The following CDH19 variants were observed in gnomAD, a reference collection of about 807,000 sequenced individuals.
CDH19 encodes cadherin-19.
In CDH19, 67 loss-of-function variants were observed where a neutral mutation model predicts 64.2. The ratio of observed to expected loss-of-function variants is 1.04; its 90% CI spans 0.86 to 1.28. The LOEUF is 1.28. CDH19 is among the 50% of genes most tolerant of loss of function. CDH19 has a pLI of 0.00. For synonymous variants in CDH19, 346 were observed against 319.3 expected (o/e 1.08, Z -0.89); for missense variants, 1,030 against 929.0 (o/e 1.11, Z -1.41).
At chr18:66,558,463 G>GAATT (rs1227179313) in intron 3 of CDH19, among the ~76,000 whole-genome samples, 10 of 151,760 alleles carry the variant, frequency 6.6e-5, no homozygotes, top group Non-Finnish European at 1.5e-4. Context: ...TTTTTAAAGA[G>GAATT]AATTAAGCCT....
At chr18:66,598,356 A>G (rs981593250) in intron 1 of CDH19, among the ~76,000 whole-genome samples, 3 of 152,164 alleles carry the variant, frequency 2.0e-5, no homozygotes, top group Non-Finnish European at 4.4e-5. Flanking sequence ...ATTTGAAGGA[A>G]TATATAGTTC....
chr18:66,602,329 T>C (rs1047190699), intron 1 of CDH19, among the ~76,000 whole-genome samples: 1 of 151,974 alleles, frequency 6.6e-6, no homozygotes, highest in Admixed American at 6.6e-5. Context: ...ATAGATGATA[T>C]GTATCAGATT....
intron 1 of CDH19, among the ~76,000 whole-genome samples, chr18:66,593,804 G>A (rs903283237): frequency 6.6e-6 from 1 of 152,060 alleles, no homozygotes; most frequent in Non-Finnish European, 1.5e-5. Flanking sequence ...TCAGGAAACA[G>A]AAATAATGAA....
At chr18:66,582,524 C>T (rs940184255) in intron 1 of CDH19, among the ~76,000 whole-genome samples, 3 of 151,252 alleles carry the variant, frequency 2.0e-5, no homozygotes, top group Admixed American at 6.6e-5. Flanking sequence ...TTTTAATAAC[C>T]CATGTGTCAA....
chr18:66,521,021 T>A (rs1322411846), intron 9 of CDH19, among the ~76,000 whole-genome samples: 3 of 152,064 alleles, frequency 2.0e-5, no homozygotes, highest in Admixed American at 2.0e-4. Context: ...TGGTTATTAT[T>A]CTTAAATAAA....
chr18:66,579,861 T>C (rs762812705), intron 1 of CDH19, among the ~76,000 whole-genome samples: 3 of 151,990 alleles, frequency 2.0e-5, no homozygotes, highest in Non-Finnish European at 2.9e-5. Context: ...TCTTGTTATA[T>C]AAAAACACGC....
intron 1 of CDH19, among the ~76,000 whole-genome samples, chr18:66,591,613 CAGA>C (rs1487841725): frequency 2.6e-5 from 4 of 151,782 alleles, no homozygotes; most frequent in Admixed American, 1.3e-4. Flanking sequence ...TTTAATTTAG[CAGA>C]AGGTTAAAAT....
intron 1 of CDH19, among the ~76,000 whole-genome samples, chr18:66,573,694 G>T (rs948730249): frequency 1.3e-5 from 2 of 151,478 alleles, no homozygotes; most frequent in African/African-American, 4.8e-5. Context: ...CTGTGTTTCA[G>T]TGAATATAAT....
intron 7 of CDH19, among the ~76,000 whole-genome samples, chr18:66,537,251 C>T (rs1336128557): frequency 2.0e-5 from 3 of 151,866 alleles, no homozygotes; most frequent in Admixed American, 6.6e-5. Context: ...GTCTCCTCCA[C>T]GATTCCTCAA....
chr18:66,601,080 A>T (rs2144650002), intron 1 of CDH19, among the ~76,000 whole-genome samples: 1 of 151,934 alleles, frequency 6.6e-6, no homozygotes, highest in Non-Finnish European at 1.5e-5. Flanking sequence ...GAAAATTCAG[A>T]GATGCATCTA....
rs890879075 is a variant in CDH19, at chr18:66,504,272, A to G, written c.*540T>C. On this transcript the variant is annotated 3_prime_UTR_variant, in exon 12 of 12. Transcript: ENST00000262150. Reference sequence around the variant, plus strand: ...TGTTTATCATACTTTCTAGTTTTCTACGAAGATTACCTAGCATTCTTTTTT... The same window carrying G: ...TGTTTATCATACTTTCTAGTTTTCTGCGAAGATTACCTAGCATTCTTTTTT... The G allele has an allele frequency of 2.1e-5, 3 of 140,674 alleles. No homozygotes were observed. The highest frequency in any genetic ancestry group is 3.1e-5 in the Non-Finnish European group (2 of 64,874). The allele number at this position is 140,674 out of a possible 1,614,324, so 8.7% of individuals were successfully genotyped here. A position where few individuals can be genotyped will look rare whatever the true frequency, so the allele number is the denominator to read the frequency against.
At position 66,554,464 on chromosome 18, in the gene CDH19, G is replaced by GC; in HGVS notation, c.550dup (p.Ala184GlyfsTer17). ...TTGAAGTAAGCTGTAGAGGAGACGAGCATTATTACCACTTGAGGGATCGTC... is the reference window on the plus strand; with the variant it reads ...TTGAAGTAAGCTGTAGAGGAGACGAGCCATTATTACCACTTGAGGGATCGTC... On this transcript the variant is annotated frameshift_variant, in exon 4 of 12. Transcript: ENST00000262150. LOFTEE classifies it high-confidence loss of function. 6.2e-7 allele frequency: 1 copy of GC among 1,610,904 alleles called. No homozygotes were observed. The highest frequency in any genetic ancestry group is 8.5e-7 in the Non-Finnish European group (1 of 1,177,624).
At chr18:66,539,561 G>A (rs1477224930) in intron 7 of CDH19, among the ~76,000 whole-genome samples, 1 of 151,808 alleles carries the variant, frequency 6.6e-6, no homozygotes, top group African/African-American at 2.4e-5. Context: ...CTCTCAATAT[G>A]GTGGTTTATA....
At position 66,509,237 on chromosome 18, in the gene CDH19, G is replaced by C. The variant is rs1200054986; in HGVS notation, c.1586C>G (p.Ala529Gly). 1 of 1,611,994 alleles carries C rather than the reference G, an allele frequency of 6.2e-7. No homozygotes were observed. Among genetic ancestry groups the C allele is most frequent in the Non-Finnish European group, 8.5e-7 (1 of 1,178,764 alleles). ...ACCAGTTCTATTAGTCAAAATGACA[G>C]CTGTGTTATCTAAAACAAAAATCCA... ...FTIIDNQDNT[A>G]VILTNRTGFN... Residue 529 changes from alanine (A) to glycine (G), a missense_variant, in exon 11 of 12, where the codon GCT becomes GGT. Transcript: ENST00000262150.
intron 3 of CDH19, among the ~76,000 whole-genome samples, chr18:66,568,054 T>G (rs1395257024): frequency 6.6e-6 from 1 of 151,880 alleles, no homozygotes; most frequent in Non-Finnish European, 1.5e-5. Flanking sequence ...ATGCATATCT[T>G]GCAGGATTAT....
At chr18:66,539,183 C>T (rs913893946) in intron 7 of CDH19, among the ~76,000 whole-genome samples, 2 of 152,052 alleles carry the variant, frequency 1.3e-5, no homozygotes, top group Non-Finnish European at 2.9e-5. Flanking sequence ...TTGTGAATTT[C>T]CTGGAATTAT....
At chr18:66,571,883 G>A (rs763578505) in intron 2 of CDH19, 127 bp downstream of exon 2, 1 of 597,350 alleles carries the variant, frequency 1.7e-6, no homozygotes. Context: ...AATTATTGAT[G>A]CTGCTGTTTG....
intron 1 of CDH19, among the ~76,000 whole-genome samples, chr18:66,588,635 T>TA (rs1988651363): frequency 7.0e-6 from 1 of 143,258 alleles, no homozygotes; most frequent in Admixed American, 7.0e-5. Flanking sequence ...TCTATATATA[T>TA]ATAGATACAG....
chr18:66,595,528 A>C (rs560747319), intron 1 of CDH19, among the ~76,000 whole-genome samples: 4 of 151,042 alleles, frequency 2.6e-5, no homozygotes, highest in South Asian at 2.1e-4. Context: ...AAAAAAAAAA[A>C]AAAAAACCTG....
Sources: gnomAD v4.1 joint callset for allele counts (sites outside exome capture counted in the v4.1 genomes callset) on GRCh38, gnomAD v4.1.1 for gene constraint, MANE v1.5 for transcripts, NCBI Gene and HGNC (gene_info 2026-07-23, HGNC 2026-07-21) for gene names.